FNBP1L: variants seen among roughly 807,000 people sequenced by gnomAD.
FNBP1L encodes the protein formin binding protein 1 like, also known as formin-binding protein 1-like.
Under a neutral mutation model 91.2 loss-of-function variants are expected in FNBP1L, and 36 were observed. The observed-to-expected ratio is 0.39, with a 90% CI of 0.30 to 0.52. The LOEUF (loss-of-function observed/expected upper bound fraction) is 0.52. Ranked by LOEUF, FNBP1L falls within the 20% of genes least tolerant of loss-of-function variation. FNBP1L has a pLI of 0.66. For missense variants in FNBP1L, 571 were observed against 732.1 expected, an observed-to-expected ratio of 0.78 and a Z score of 2.54; for synonymous variants, 242 against 237.0, an observed-to-expected ratio of 1.02 and a Z score of -0.19.
intron 1 of FNBP1L, among the ~76,000 whole-genome samples, chr1:93,474,521 G>C (rs1359506162): frequency 6.6e-6 from 1 of 152,198 alleles, no homozygotes; most frequent in African/African-American, 2.4e-5. Context: ...TGGAAACTTA[G>C]AATAGACGTG....
chr1:93,486,031 T>C (rs2101712626), intron 1 of FNBP1L, among the ~76,000 whole-genome samples: 1 of 152,310 alleles, frequency 6.6e-6, no homozygotes, highest in Non-Finnish European at 1.5e-5. Context: ...CTTTTCACTT[T>C]AGAATTGTGT....
At chr1:93,487,977 TA>T (rs1669964613) in intron 1 of FNBP1L, among the ~76,000 whole-genome samples, 1 of 152,234 alleles carries the variant, frequency 6.6e-6, no homozygotes, top group South Asian at 2.1e-4. Context: ...TTTAACTGTC[TA>T]AAGCCAAAAC....
intron 1 of FNBP1L, among the ~76,000 whole-genome samples, chr1:93,476,984 C>T (rs1324982445): frequency 1.3e-5 from 2 of 152,000 alleles, no homozygotes; most frequent in Non-Finnish European, 2.9e-5. Context: ...ATGGCTTGCC[C>T]AAGGTGACAC....
chr1:93,483,990 G>A (rs1208115115), intron 1 of FNBP1L, among the ~76,000 whole-genome samples: 1 of 152,220 alleles, frequency 6.6e-6, no homozygotes, highest in Non-Finnish European at 1.5e-5. Context: ...GTGCAGTGAT[G>A]TGATCTTGGC....
In FNBP1L at chr1:93,522,062, A is replaced by G; in HGVS notation, c.141-20A>G. ...ATAGTTGAAATTTTTAATAAACTTTAAAAAATCTTCTTCCTATAGAAATCT... is the reference window on the plus strand; with the variant it reads ...ATAGTTGAAATTTTTAATAAACTTTGAAAAATCTTCTTCCTATAGAAATCT... On this transcript the variant is annotated intron_variant, in intron 2 of 16. Transcript: ENST00000271234. 1 of 1,461,056 alleles carries G rather than the reference A, an allele frequency of 6.8e-7. No individual in the cohort carries two copies. Among genetic ancestry groups the G allele is most frequent in the South Asian group, 1.4e-5 (1 of 69,718 alleles). The allele number at this position is 1,461,056 out of a possible 1,614,324, so 90.5% of individuals were successfully genotyped here.
intron 10 of FNBP1L, among the ~76,000 whole-genome samples, chr1:93,538,885 T>G (rs1193924262): frequency 6.6e-6 from 1 of 152,016 alleles, no homozygotes; most frequent in Non-Finnish European, 1.5e-5. Flanking sequence ...AAAGAAAAAC[T>G]CGTGTGTACA....
At chr1:93,524,967 T>A (rs1218846019) in intron 5 of FNBP1L, among the ~76,000 whole-genome samples, 1 of 151,950 alleles carries the variant, frequency 6.6e-6, no homozygotes, top group African/African-American at 2.4e-5. Flanking sequence ...TGGTTTTTCT[T>A]AAATGCTCTC....
intron 1 of FNBP1L, among the ~76,000 whole-genome samples, chr1:93,496,683 T>C (rs191905254): frequency 2.1e-4 from 32 of 151,636 alleles, no homozygotes; most frequent in Non-Finnish European, 4.3e-4. Context: ...GGCTTACAGA[T>C]GTGAGCCATC....
At chr1:93,507,095 ACACACACACACACTCT>A (rs1484545302) in intron 2 of FNBP1L, among the ~76,000 whole-genome samples, 1,186 of 103,502 alleles carry the variant, frequency 0.011, 19 homozygotes, top group African/African-American at 0.032. Context: ...ACACACACAC[ACACACACACACACTCT>A]CTCTCTCTCT....
intron 7 of FNBP1L, among the ~76,000 whole-genome samples, 163 bp downstream of exon 7, chr1:93,531,046 T>C (rs573535239): frequency 6.6e-6 from 1 of 152,340 alleles, no homozygotes; most frequent in Non-Finnish European, 1.5e-5. Context: ...GTTTTCTAAC[T>C]TTTAAGTCAC....
intron 2 of FNBP1L, 67 bp downstream of exon 2, chr1:93,499,650 A>G (rs1670380261): frequency 1.1e-6 from 1 of 880,682 alleles, no homozygotes; most frequent in Middle Eastern, 2.7e-4. Flanking sequence ...TATTAGAGGA[A>G]TGTGATAGTC....
intron 15 of FNBP1L, among the ~76,000 whole-genome samples, chr1:93,549,966 T>C (rs953316723): frequency 6.6e-6 from 1 of 152,206 alleles, no homozygotes; most frequent in African/African-American, 2.4e-5. Context: ...GAACAAACTC[T>C]GGAAGGGAAG....
intron 2 of FNBP1L, among the ~76,000 whole-genome samples, chr1:93,517,343 A>G (rs558585885): frequency 6.6e-6 from 1 of 150,966 alleles, no homozygotes; most frequent in South Asian, 2.1e-4. Context: ...CTTTTTTTTA[A>G]GAGACAGGGT....
rs1001607405 is a variant in FNBP1L, at chr1:93,509,071, C to G, written c.140+9488C>G. 3.9e-5 allele frequency among the ~76,000 whole-genome samples: 6 copies of G among 152,154 alleles called. No individual in the cohort carries two copies. The East Asian group carries it at 1.2e-3, about 29-fold the overall frequency. ...ATGGACCTGGATCAAATAAATACTC[C>G]TGGACCTTAATATGTGGTCACCGTG... On this transcript the variant is annotated intron_variant, in intron 2 of 16. Coordinates refer to ENST00000271234, the MANE Select transcript of FNBP1L (RefSeq NM_001164473.3).
chr1:93,524,337 T>G lies in FNBP1L; in HGVS notation c.405+14T>G. The stretch of plus-strand genomic sequence containing the variant: ...CAGATGGATAATGTGAGTTATGACA[T>G]TTTCATGGTTAACATAAAATCTTGT... On this transcript the variant is annotated intron_variant, in intron 5 of 16. Transcript: ENST00000271234. The G allele has an allele frequency of 6.8e-7, 1 of 1,479,024 alleles. No individual in the cohort carries two copies. Among genetic ancestry groups the G allele is most frequent in the Non-Finnish European group, 9.0e-7 (1 of 1,113,874 alleles). The allele number at this position is 1,479,024 out of a possible 1,614,324, so 91.6% of individuals were successfully genotyped here.
At position 93,505,851 on chromosome 1, in the gene FNBP1L, G is replaced by GT. The variant is rs1670591699; in HGVS notation, c.140+6269dup. 3.3e-5 allele frequency among the ~76,000 whole-genome samples: 5 copies of GT among 152,234 alleles called. No individual in the cohort carries two copies. The South Asian group carries it at 1.0e-3, about 32-fold the overall frequency. On this transcript the variant is annotated intron_variant, in intron 2 of 16. Coordinates refer to ENST00000271234, the MANE Select transcript of FNBP1L (RefSeq NM_001164473.3). ...CTGCCACCACGCCCAGCTAATTTTT[G>GT]TATTTTTAGTAGAGACGGGGTTTTA...
intron 7 of FNBP1L, 96 bp downstream of exon 7, chr1:93,530,979 C>T: frequency 1.0e-6 from 1 of 994,626 alleles, no homozygotes; most frequent in East Asian, 2.9e-5. Flanking sequence ...TCTAGATTCA[C>T]TAGACATCAG....
chr1:93,449,715 AT>A, intron 1 of FNBP1L, among the ~76,000 whole-genome samples: 1 of 152,150 alleles, frequency 6.6e-6, no homozygotes, highest in East Asian at 1.9e-4. Context: ...CTTAGATAGC[AT>A]TAATTGTTCT....
intron 10 of FNBP1L, among the ~76,000 whole-genome samples, 180 bp from the exon 11 acceptor site, chr1:93,540,862 G>C (rs1025859192): frequency 1.3e-5 from 1 of 79,540 alleles, no homozygotes; most frequent in Non-Finnish European, 2.7e-5. Context: ...TTTTTTTTTT[G>C]CAAGTAATTT....
Sources: gnomAD v4.1 joint callset for allele counts (sites outside exome capture counted in the v4.1 genomes callset) on GRCh38, gnomAD v4.1.1 for gene constraint, MANE v1.5 for transcripts, NCBI Gene and HGNC (gene_info 2026-07-23, HGNC 2026-07-21) for gene names.